The following CADPS2 variants were observed in gnomAD, a reference collection of about 807,000 sequenced individuals.
The protein encoded by CADPS2 is calcium-dependent secretion activator 2.
In CADPS2, 93 loss-of-function variants were observed where a neutral mutation model predicts 172.5. The observed-to-expected ratio is 0.54, with a 90% CI of 0.46 to 0.64. The LOEUF (loss-of-function observed/expected upper bound fraction) is 0.64, where lower values mean the gene tolerates loss of function less well. Ranked by LOEUF, CADPS2 falls within the 30% of genes least tolerant of loss-of-function variation. The pLI is 0.00. For synonymous variants in CADPS2, 546 were observed against 555.2 expected (o/e 0.98, Z 0.23); for missense variants, 1,420 against 1,565.9 (o/e 0.91, Z 1.57).
intron 1 of CADPS2, among the ~76,000 whole-genome samples, chr7:122,796,898 C>G (rs1286595079): frequency 2.0e-5 from 3 of 151,984 alleles, no homozygotes; most frequent in African/African-American, 2.4e-5. Context: ...AGCCTCTGCA[C>G]AGCAAACTAT....
At chr7:122,598,786 C>G (rs1388204515) in intron 6 of CADPS2, among the ~76,000 whole-genome samples, 2 of 152,128 alleles carry the variant, frequency 1.3e-5, no homozygotes, top group African/African-American at 4.8e-5. Context: ...AATGCTTCAT[C>G]AAATAAAGGT....
At chr7:122,647,211 TAC>T (rs1290426070) in intron 3 of CADPS2, among the ~76,000 whole-genome samples, 4 of 144,608 alleles carry the variant, frequency 2.8e-5, no homozygotes, top group African/African-American at 9.7e-5. Context: ...TCTTTTTTAC[TAC>T]AGTTTTTTTT....
chr7:122,490,530 A>G (rs1320714259), intron 10 of CADPS2, among the ~76,000 whole-genome samples: 1 of 152,186 alleles, frequency 6.6e-6, no homozygotes, highest in African/African-American at 2.4e-5. Context: ...ACAGAGTATC[A>G]TTCTACAAGA....
chr7:122,679,659 G>A (rs758337737), intron 2 of CADPS2, among the ~76,000 whole-genome samples: 4 of 151,988 alleles, frequency 2.6e-5, no homozygotes, highest in Admixed American at 6.6e-5. Flanking sequence ...CTGGTTTTAC[G>A]GCTCAGGGGG....
At chr7:122,878,614 T>C (rs1215874845) in intron 1 of CADPS2, among the ~76,000 whole-genome samples, 4 of 149,744 alleles carry the variant, frequency 2.7e-5, no homozygotes, top group African/African-American at 9.9e-5. Flanking sequence ...CACTCCAGCC[T>C]GGGCGACAGA....
chr7:122,575,169 TAA>T (rs1247556205), intron 7 of CADPS2, among the ~76,000 whole-genome samples: 1 of 145,232 alleles, frequency 6.9e-6, no homozygotes, highest in Non-Finnish European at 1.5e-5. Context: ...AATGTCATTA[TAA>T]TAAAAGTAAA....
chr7:122,320,117 AAAC>A lies in CADPS2; in HGVS notation c.*45_*47del. On this transcript the variant is annotated 3_prime_UTR_variant, in exon 30 of 30. Transcript: ENST00000449022. Reference sequence around the variant, plus strand: ...ACAAGGACAAGGTTAAAAAAATAAAAAACAATGTCGATCAAGGTCTTCCTTCCT... The same window carrying A: ...ACAAGGACAAGGTTAAAAAAATAAAAAATGTCGATCAAGGTCTTCCTTCCT... 3 of 1,429,454 alleles carry A rather than the reference AAAC, an allele frequency of 2.1e-6. No individual in the cohort carries two copies. The highest frequency in any genetic ancestry group is 2.8e-6 in the Non-Finnish European group (3 of 1,081,856). 88.5% of individuals were successfully genotyped at this position (1,429,454 alleles called of 1,614,324 possible).
chr7:122,822,618 C>G (rs2140401250), intron 1 of CADPS2, among the ~76,000 whole-genome samples: 1 of 147,844 alleles, frequency 6.8e-6, no homozygotes, highest in Middle Eastern at 3.4e-3. Context: ...GCCCAGATGG[C>G]CTGAAGTAAC....
At chr7:122,852,525 G>T (rs921815267) in intron 1 of CADPS2, among the ~76,000 whole-genome samples, 1 of 152,160 alleles carries the variant, frequency 6.6e-6, no homozygotes, top group South Asian at 2.1e-4. Context: ...CTTTAAATAG[G>T]GAGGCCAGGG....
chr7:122,325,456 A>T, intron 29 of CADPS2, 21 bp downstream of exon 29: 1 of 1,499,512 alleles, frequency 6.7e-7, no homozygotes, highest in South Asian at 1.2e-5. Flanking sequence ...GGCAATTCAT[A>T]TCTAAACACA....
intron 8 of CADPS2, among the ~76,000 whole-genome samples, chr7:122,528,110 A>G (rs925768466): frequency 1.5e-5 from 2 of 130,126 alleles, no homozygotes; most frequent in Admixed American, 8.0e-5. Context: ...TGAAGGCATT[A>G]GTGGTGGTGG....
chr7:122,527,491 C>G (rs2061334975), intron 8 of CADPS2, among the ~76,000 whole-genome samples: 1 of 150,930 alleles, frequency 6.6e-6, no homozygotes, highest in Non-Finnish European at 1.5e-5. Context: ...TTCAGTATCT[C>G]TTTTCTTTGC....
intron 2 of CADPS2, among the ~76,000 whole-genome samples, chr7:122,732,713 AT>A (rs1176361095): frequency 4.2e-5 from 6 of 144,186 alleles, no homozygotes; most frequent in Non-Finnish European, 6.0e-5. Context: ...ATTATATATA[AT>A]TATATATTAC....
chr7:122,506,725 T>C (rs62474605), intron 9 of CADPS2, among the ~76,000 whole-genome samples: 7 of 94,144 alleles, frequency 7.4e-5, no homozygotes, highest in African/African-American at 2.5e-4. Flanking sequence ...GCTAGAGTTA[T>C]TTAAAAAAAA....
At chr7:122,515,703 C>T (rs2130889346) in intron 8 of CADPS2, among the ~76,000 whole-genome samples, 2 of 152,228 alleles carry the variant, frequency 1.3e-5, no homozygotes, top group Middle Eastern at 3.4e-3. Flanking sequence ...TACTCAGTGT[C>T]AGTCTTGCTG....
chr7:122,625,188 T>G (rs2075966664), intron 4 of CADPS2, among the ~76,000 whole-genome samples: 1 of 152,044 alleles, frequency 6.6e-6, no homozygotes, highest in South Asian at 2.1e-4. Context: ...GTAGCTGGGA[T>G]TACAGGCAGG....
At chr7:122,617,417 T>C (rs1195041325) in intron 5 of CADPS2, among the ~76,000 whole-genome samples, 4 of 152,192 alleles carry the variant, frequency 2.6e-5, no homozygotes, top group Non-Finnish European at 5.9e-5. Flanking sequence ...TTTAAGTGTT[T>C]CAATTCCCAG....
At chr7:122,854,848 A>C (rs1441528416) in intron 1 of CADPS2, among the ~76,000 whole-genome samples, 1 of 152,246 alleles carries the variant, frequency 6.6e-6, no homozygotes, top group Non-Finnish European at 1.5e-5. Context: ...TATAGGTATT[A>C]GATACTACTT....
chr7:122,743,505 G>A (rs1266615878), intron 1 of CADPS2, among the ~76,000 whole-genome samples: 1 of 152,128 alleles, frequency 6.6e-6, no homozygotes, highest in Admixed American at 6.5e-5. Context: ...TACAGTGGAA[G>A]CTGTGTGACA....
Sources: allele counts gnomAD v4.1 joint callset (sites outside exome capture counted in the v4.1 genomes callset), GRCh38; gene constraint gnomAD v4.1.1; transcripts MANE v1.5; gene names NCBI Gene and HGNC (gene_info 2026-07-23, HGNC 2026-07-21).